Variants in DMD observed in about 807,000 individuals in gnomAD.
DMD encodes the protein dystrophin.
In DMD, 63 loss-of-function variants were observed where a neutral mutation model predicts 330.1. That is an observed-to-expected ratio of 0.19 (90% confidence interval 0.16 to 0.24). The LOEUF (loss-of-function observed/expected upper bound fraction) is 0.24, where lower values mean the gene tolerates loss of function less well. Among genes scored for constraint, DMD ranks in the 10% least tolerant of loss-of-function variants. DMD has a pLI of 1.00. For missense variants in DMD, 3,344 were observed against 2,684.1 expected (o/e 1.25, Z -5.43); for synonymous variants, 1,223 against 959.8 (o/e 1.27, Z -5.07).
intron 63 of DMD, among the ~76,000 whole-genome samples, chrX:31,238,430 T>A (rs757080903): frequency 8.9e-6 from 1 of 112,121 alleles, no homozygotes; most frequent in East Asian, 2.8e-4. Flanking sequence ...ACTTCAGCTC[T>A]TTTTGTATGC....
Position 32,155,973 on chromosome X carries a change from AACACACACACACACACACAC to A in DMD, c.6438+60923_6438+60942del, listed in dbSNP as rs60347530. 2.4e-4 allele frequency among the ~76,000 whole-genome samples: 23 copies of A among 95,761 alleles called. No homozygotes were observed. The East Asian group carries it at 4.2e-3, about 17-fold the overall frequency. 83.2% of individuals were successfully genotyped at this position (95,761 alleles called of 115,157 possible). ...GTGTGTGTGTATCCTTTTGTCATTC[AACACACACACACACACACAC>A]ACACACACACACACACACACACACC... On this transcript the variant is annotated intron_variant, in intron 44 of 78. Coordinates refer to ENST00000357033, the MANE Select transcript of DMD (RefSeq NM_004006.3).
At chrX:32,294,195 C>T (rs757522760) in intron 42 of DMD, among the ~76,000 whole-genome samples, 196 of 112,311 alleles carry the variant, frequency 1.7e-3, no homozygotes, top group Non-Finnish European at 3.2e-3. Context: ...AGATACATAA[C>T]TCTGCCAAGT....
chrX:31,515,358 T>G (rs1458965585), intron 55 of DMD, among the ~76,000 whole-genome samples: 1 of 111,547 alleles, frequency 9.0e-6, no homozygotes, highest in Non-Finnish European at 1.9e-5. Flanking sequence ...TTAATATAGC[T>G]GAGAAGTAAG....
At position 31,121,890 on chromosome X, in the gene DMD, C is replaced by CAAATCATCTGCCATGTGGAA; in HGVS notation, c.*9_*28dup. On this transcript the variant is annotated 3_prime_UTR_variant, in exon 79 of 79. Coordinates refer to ENST00000357033, the MANE Select transcript of DMD (RefSeq NM_004006.3). ...ATACTAAGGACTCCATCGCTCTGCC[C>CAAATCATCTGCCATGTGGAA]AAATCATCTGCCATGTGGAAAAGAC... 2 of 1,207,346 alleles carry CAAATCATCTGCCATGTGGAA rather than the reference C, an allele frequency of 1.7e-6. No individual in the cohort carries two copies. Among genetic ancestry groups the CAAATCATCTGCCATGTGGAA allele is most frequent in the Non-Finnish European group, 2.2e-6 (2 of 891,897 alleles).
intron 43 of DMD, among the ~76,000 whole-genome samples, chrX:32,269,909 C>T (rs201948321): frequency 8.9e-6 from 1 of 112,158 alleles, no homozygotes; most frequent in Non-Finnish European, 1.9e-5. Flanking sequence ...GAAAATAATG[C>T]TTTCCTTTTG....
In DMD at chrX:32,438,256, C is replaced by G. The variant is rs765341659; in HGVS notation, c.4056G>C (p.Arg1352Ser). The change falls in exon 29 of 79, where the codon AGG becomes AGC. Residue 1352 changes from arginine to serine, a missense_variant. Coordinates refer to ENST00000357033, the MANE Select transcript of DMD (RefSeq NM_004006.3). ...ATCTTCATACCTCTTCATGTAGTTC[C>G]CTCCAACGAGAATTAAATGTCTCAA... The part of the protein sequence containing the change: ...EELETFNSRW[R>S]ELHEEAVRRQ... 8.3e-7 allele frequency: 1 copy of G among 1,210,796 alleles called. No individual in the cohort carries two copies. The highest frequency in any genetic ancestry group is 1.1e-6 in the Non-Finnish European group (1 of 895,065).
chrX:31,794,807 T>C (rs778029243), intron 50 of DMD, among the ~76,000 whole-genome samples: 145 of 111,026 alleles, frequency 1.3e-3, no homozygotes, highest in African/African-American at 4.7e-3. Flanking sequence ...TTCTACTGGC[T>C]TTTAGATGGA....
intron 1 of DMD, among the ~76,000 whole-genome samples, chrX:33,279,330 A>C (rs2053285869): frequency 8.9e-6 from 1 of 111,956 alleles, no homozygotes; most frequent in Admixed American, 9.5e-5. Flanking sequence ...TTGGGTGAAC[A>C]ACAAAATTAA....
At chrX:33,089,620 T>A (rs2095058455) in intron 1 of DMD, among the ~76,000 whole-genome samples, 1 of 111,590 alleles carries the variant, frequency 9.0e-6, no homozygotes, top group South Asian at 3.7e-4. Flanking sequence ...TTAAAAAACT[T>A]TGAATCAGCC....
At chrX:32,928,493 A>G (rs1052413046) in intron 2 of DMD, among the ~76,000 whole-genome samples, 14 of 111,432 alleles carry the variant, frequency 1.3e-4, no homozygotes, top group Non-Finnish European at 2.1e-4. Flanking sequence ...GATTTTTTAA[A>G]TTATCATTAA....
chrX:32,967,313 A>T (rs1388109406), intron 2 of DMD, among the ~76,000 whole-genome samples: 1 of 111,783 alleles, frequency 8.9e-6, no homozygotes, highest in Non-Finnish European at 1.9e-5. Flanking sequence ...AAGATCTGTG[A>T]TGGAGATCAC....
chrX:33,095,970 T>TA (rs1312574509), intron 1 of DMD, among the ~76,000 whole-genome samples: 12 of 76,294 alleles, frequency 1.6e-4, no homozygotes, highest in African/African-American at 5.3e-4. Flanking sequence ...CAGAATTTTT[T>TA]TTTTTTTTTT....
At chrX:31,921,367 A>G (rs2094687639) in intron 47 of DMD, among the ~76,000 whole-genome samples, 1 of 111,973 alleles carries the variant, frequency 8.9e-6, no homozygotes. Flanking sequence ...ATAGAAAATG[A>G]AAGTAATATC....
At chrX:32,222,906 T>C (rs1421383896) in intron 43 of DMD, among the ~76,000 whole-genome samples, 1 of 111,936 alleles carries the variant, frequency 8.9e-6, no homozygotes, top group Non-Finnish European at 1.9e-5. Flanking sequence ...GTACATTACA[T>C]ATATTTACTT....
At chrX:32,782,463 T>G (rs1368556081) in intron 7 of DMD, among the ~76,000 whole-genome samples, 1 of 111,661 alleles carries the variant, frequency 9.0e-6, no homozygotes, top group Non-Finnish European at 1.9e-5. Context: ...TGCTAAGGCC[T>G]TAAACTATGT....
At chrX:31,602,722 G>A (rs1050828754) in intron 55 of DMD, among the ~76,000 whole-genome samples, 2 of 111,725 alleles carry the variant, frequency 1.8e-5, no homozygotes, top group Non-Finnish European at 3.8e-5. Flanking sequence ...CCTATCTGAC[G>A]GTTGTTCCTA....
At chrX:31,527,058 T>C (rs1024222152) in intron 55 of DMD, among the ~76,000 whole-genome samples, 5 of 111,378 alleles carry the variant, frequency 4.5e-5, no homozygotes, top group Admixed American at 9.5e-5. Flanking sequence ...GAAGTTGCAG[T>C]GAGCCATGAT....
intron 1 of DMD, among the ~76,000 whole-genome samples, chrX:33,034,765 C>T (rs974171598): frequency 1.8e-5 from 2 of 111,883 alleles, no homozygotes; most frequent in Non-Finnish European, 3.8e-5. Flanking sequence ...CCAGTTTTGC[C>T]GCTTACTGGC....
At chrX:32,338,660 A>G (rs1216838756) in intron 41 of DMD, among the ~76,000 whole-genome samples, 2 of 111,469 alleles carry the variant, frequency 1.8e-5, no homozygotes, top group Admixed American at 9.6e-5. Context: ...CACAATAATC[A>G]TAATTTTAGT....
Sources: gnomAD v4.1 joint callset for allele counts (sites outside exome capture counted in the v4.1 genomes callset) on GRCh38, gnomAD v4.1.1 for gene constraint, MANE v1.5 for transcripts, NCBI Gene and HGNC (gene_info 2026-07-23, HGNC 2026-07-21) for gene names.